Variants in NEB observed in about 807,000 individuals in gnomAD.
The protein encoded by NEB is nemaline myopathy type 2.
In NEB, 512 loss-of-function variants were observed where a neutral mutation model predicts 952.2. The ratio of observed to expected loss-of-function variants is 0.54; its 90% CI spans 0.50 to 0.58. The LOEUF (loss-of-function observed/expected upper bound fraction) is 0.58. Among genes scored for constraint, NEB ranks in the 20% least tolerant of loss-of-function variants. The probability of loss-of-function intolerance (pLI) is 0.00; values close to 1 mark genes in which losing one functional copy is unlikely to be tolerated. For missense variants in NEB, 8,428 were observed against 9,231.1 expected, an observed-to-expected ratio of 0.91 and a Z score of 3.56; for synonymous variants, 2,900 against 3,149.8, an observed-to-expected ratio of 0.92 and a Z score of 2.66.
At chr2:151,621,284 C>T (rs1359963934) in intron 71 of NEB, among the ~76,000 whole-genome samples, 1 of 152,190 alleles carries the variant, frequency 6.6e-6, no homozygotes, top group Non-Finnish European at 1.5e-5. Flanking sequence ...ATGAACACCT[C>T]TTAATGTGTT....
chr2:151,712,136 T>A (rs1205926255), intron 10 of NEB, among the ~76,000 whole-genome samples: 1 of 152,126 alleles, frequency 6.6e-6, no homozygotes. Flanking sequence ...CAGGTTAGGA[T>A]CTCCTAATGC....
Position 151,553,875 on chromosome 2 carries a change from A to C in NEB, c.19579T>G (p.Leu6527Val). ...RLHEWICHPD[L>V]QVNDHVRKVT... ...TTCCTGACGTGATCATTGACTTGCA[A>C]GTCGGGGTGGCAAATCCATTCGTGG... Residue 6527 changes from leucine (L) to valine (V), a missense_variant, in exon 126 of 182, where the codon TTG (leucine) becomes GTG (valine). By Grantham distance (32) the Leu-to-Val change is conservative. Around this residue, in one of 11 missense-constraint regions of NEB, gnomAD observed 3,374 missense variants for 3,651.5 expected, o/e 0.92. Coordinates refer to ENST00000397345, the MANE Select transcript of NEB (RefSeq NM_001164508.2). 6.2e-7 allele frequency: 1 copy of C among 1,613,712 alleles called. No individual in the cohort carries two copies. The highest frequency in any genetic ancestry group is 8.5e-7 in the Non-Finnish European group (1 of 1,179,718).
chr2:151,514,894 T>G lies in NEB; in HGVS notation c.22940A>C (p.Lys7647Thr), dbSNP rs773927616. The G allele has an allele frequency of 6.3e-7, 1 of 1,583,336 alleles. No individual in the cohort carries two copies. The highest frequency in any genetic ancestry group is 8.6e-7 in the Non-Finnish European group (1 of 1,162,758). The change falls in exon 158 of 182, where the codon AAA becomes ACA. Residue 7647 changes from lysine (K) to threonine (T), a missense_variant. Transcript: ENST00000397345. ...CTCCAGGCCAGTCAGGTTTCTGCCTTTAATGGACTCTTCATAATCTTTCCT... is the reference window on the plus strand; with the variant it reads ...CTCCAGGCCAGTCAGGTTTCTGCCTGTAATGGACTCTTCATAATCTTTCCT... The part of the protein sequence containing the change: ...EYRKDYEESI[K>T]GRNLTGLEVT...
intron 3 of NEB, among the ~76,000 whole-genome samples, 180 bp from the exon 4 acceptor site, chr2:151,729,836 A>C (rs2099801495): frequency 1.3e-5 from 2 of 152,226 alleles, no homozygotes; most frequent in Non-Finnish European, 2.9e-5. Context: ...GTAATACTTC[A>C]GGAAAGCTAA....
rs374155853 is a variant in NEB at position 151,612,360 on chromosome 2, C to T, written c.11631G>A (p.Leu3877=). Residue 3877 remains leucine, a synonymous_variant, in exon 78 of 182, where the codon CTG becomes CTA. Transcript: ENST00000397345. ...DAIYKSDLEW[L]RGIGWVPIGS... is the part of the protein sequence containing the mutation. ...CAATGGGAACCCATCCTATGCCTCT[C>T]AGCCACTCAAGATCAGATTTGTAAA... is the stretch of plus-strand genomic sequence containing the variant. 6.2e-7 allele frequency: 1 copy of T among 1,613,806 alleles called. No individual in the cohort carries two copies. Among genetic ancestry groups the T allele is most frequent in the East Asian group, 2.2e-5 (1 of 44,846 alleles).
At chr2:151,539,915 A>G (rs1440661552) in intron 138 of NEB, among the ~76,000 whole-genome samples, 1 of 152,198 alleles carries the variant, frequency 6.6e-6, no homozygotes, top group African/African-American at 2.4e-5. Flanking sequence ...TTTAATTATC[A>G]CAATTCTCAT....
Position 151,518,977 on chromosome 2 carries a change from T to C in NEB, c.22683A>G (p.Gln7561=), listed in dbSNP as rs2153385875. 1.2e-6 allele frequency: 2 copies of C among 1,612,126 alleles called. No individual in the cohort carries two copies. Among genetic ancestry groups the C allele is most frequent in the Middle Eastern group, 3.3e-4 (2 of 6,056 alleles). Residue 7561 remains glutamine (Q), a synonymous_variant, in exon 155 of 182, where the codon CAA becomes CAG. Coordinates refer to ENST00000397345, the MANE Select transcript of NEB (RefSeq NM_001164508.2). The part of the protein sequence containing the change: ...LIMNHVLNTS[Q]LASSYQYKKK... ...TGACTGAGCTTACAGAACTGGCAAG[T>C]TGGCTTGTATTCAGGACATGATTCA...
At chr2:151,549,541 G>T in intron 130 of NEB, 95 bp downstream of exon 130, 1 of 828,138 alleles carries the variant, frequency 1.2e-6, no homozygotes. Flanking sequence ...TGAACCTTGA[G>T]GGTGAGACTG....
chr2:151,663,607 TGTTGTA>T lies in NEB; in HGVS notation c.5698_5703del (p.Tyr1900_Asn1901del), dbSNP rs775531807. The T allele has an allele frequency of 3.5e-4, 569 of 1,613,446 alleles. No homozygotes were observed. The highest frequency in any genetic ancestry group is 4.6e-4 in the Non-Finnish European group (537 of 1,179,600). On this transcript the variant is annotated inframe_deletion, in exon 45 of 182. Coordinates refer to ENST00000397345, the MANE Select transcript of NEB (RefSeq NM_001164508.2). ...TCAAAGCTCATGGCATCAGGAAGCA[TGTTGTA>T]GGTATGGATCACGTTCCTGTAGTTG... is the stretch of plus-strand genomic sequence containing the variant.
At chr2:151,733,292 T>C (rs774571292) in intron 2 of NEB, 107 bp from the exon 3 acceptor site, 4 of 798,678 alleles carry the variant, frequency 5.0e-6, no homozygotes, top group Non-Finnish European at 7.9e-6. Flanking sequence ...ATTGTACAAA[T>C]TCATATATTG....
chr2:151,569,794 A>C (rs1037203840), intron 109 of NEB, among the ~76,000 whole-genome samples: 9 of 152,218 alleles, frequency 5.9e-5, no homozygotes, highest in Admixed American at 3.9e-4. Flanking sequence ...ATTTTACTGG[A>C]TATAAGCCTC....
At chr2:151,501,135 A>C (rs2064149593) in intron 168 of NEB, among the ~76,000 whole-genome samples, 1 of 152,186 alleles carries the variant, frequency 6.6e-6, no homozygotes, top group African/African-American at 2.4e-5. Flanking sequence ...GAAATCAATT[A>C]ACTTCAACAG....
At chr2:151,713,719 T>C (rs1479883365) in intron 10 of NEB, among the ~76,000 whole-genome samples, 2 of 152,150 alleles carry the variant, frequency 1.3e-5, no homozygotes, top group Non-Finnish European at 2.9e-5. Context: ...CTTCCCCACC[T>C]GGAAGGCCTG....
chr2:151,693,165 TAAATGA>T (rs2099571774), intron 20 of NEB, among the ~76,000 whole-genome samples: 1 of 152,184 alleles, frequency 6.6e-6, no homozygotes, highest in Non-Finnish European at 1.5e-5. Flanking sequence ...AGAGCAATAA[TAAATGA>T]AAATATTACT....
intron 70 of NEB, among the ~76,000 whole-genome samples, 177 bp from the exon 71 acceptor site, chr2:151,625,815 T>C (rs932321542): frequency 3.9e-5 from 6 of 152,100 alleles, no homozygotes; most frequent in African/African-American, 7.2e-5. Context: ...AAAATATAAA[T>C]GTATACTAAG....
Position 151,639,343 on chromosome 2 carries a change from G to C in NEB, c.8931C>G (p.Ile2977Met). 6.5e-7 allele frequency: 1 copy of C among 1,546,274 alleles called. No homozygotes were observed. Among genetic ancestry groups the C allele is most frequent in the Non-Finnish European group, 8.7e-7 (1 of 1,147,986 alleles). ...TEAWDKDKTQ[I>M]HIMPDTPEIM... ...TTTCTGGTGTGTCTGGCATTATGTG[G>C]ATCTGAGTCTTGTCTTTGTCCCAGG... The change falls in exon 63 of 182, where the codon ATC (isoleucine) becomes ATG (methionine). Residue 2977 changes from isoleucine (I) to methionine (M), a missense_variant. Coordinates refer to ENST00000397345, the MANE Select transcript of NEB (RefSeq NM_001164508.2).
In NEB at chr2:151,674,588, G is replaced by A. The variant is rs1215078103; in HGVS notation, c.3880-4C>T. 1 of 1,590,184 alleles carries A rather than the reference G, an allele frequency of 6.3e-7. No homozygotes were observed. The highest frequency in any genetic ancestry group is 2.2e-5 in the East Asian group (1 of 44,760). On this transcript the variant is annotated splice_polypyrimidine_tract_variant and splice_region_variant and intron_variant, in intron 35 of 181. Coordinates refer to ENST00000397345, the MANE Select transcript of NEB (RefSeq NM_001164508.2). ...ACCAATCCCGTTTATAACAGACCTG[G>A]ACAGAAAAGCAAACAGAATGTCAGC...
In NEB at chr2:151,662,363, A is replaced by G. The variant is rs1484227807; in HGVS notation, c.5764-22T>C. 4 of 1,526,404 alleles carry G rather than the reference A, an allele frequency of 2.6e-6. No homozygotes were observed. In the South Asian group the frequency reaches 5.4e-5, roughly 21 times the overall value. 94.6% of individuals were successfully genotyped at this position (1,526,404 alleles called of 1,614,324 possible). On this transcript the variant is annotated intron_variant, in intron 45 of 181. Coordinates refer to ENST00000397345, the MANE Select transcript of NEB (RefSeq NM_001164508.2). ...GATTCTGCAAAAGAGGAAAAATTAA[A>G]TTATGAGAAGAAACTGGAACTTCCC...
intron 9 of NEB, among the ~76,000 whole-genome samples, chr2:151,719,225 T>C (rs1430116280): frequency 1.3e-5 from 2 of 152,224 alleles, no homozygotes; most frequent in Non-Finnish European, 2.9e-5. Context: ...GTGGCCTGCA[T>C]AGTACCTAGC....
Sources: allele counts gnomAD v4.1 joint callset (sites outside exome capture counted in the v4.1 genomes callset), GRCh38; gene constraint gnomAD v4.1.1; regional missense constraint gnomAD v4.1.1; transcripts MANE v1.5; gene names NCBI Gene and HGNC (gene_info 2026-07-23, HGNC 2026-07-21).